Variants in ATP10A observed in about 807,000 individuals in gnomAD.
ATP10A encodes the protein ATPase phospholipid transporting 10A (putative).
ATP10A carries 111 observed loss-of-function variants against 147.8 expected under a neutral mutation model. The observed-to-expected ratio is 0.75, with a 90% CI of 0.64 to 0.88. The LOEUF is 0.88. Ranked by LOEUF, ATP10A falls within the 40% of genes least tolerant of loss-of-function variation. The probability of loss-of-function intolerance (pLI) is 0.00; values close to 1 mark genes in which losing one functional copy is unlikely to be tolerated. For synonymous variants in ATP10A, 875 were observed against 841.6 expected, an observed-to-expected ratio of 1.04 and a Z score of -0.69; for missense variants, 1,927 against 1,959.0, an observed-to-expected ratio of 0.98 and a Z score of 0.31.
rs919464212 is a variant in ATP10A at position 25,797,210 on chromosome 15, A to T, written c.450-15987T>A. On this transcript the variant is annotated intron_variant, in intron 1 of 20. Transcript: ENST00000555815. ...TTAGGTTCCACGCGTACGGGAGATCATGCAGTGTTTGTCTCTGTGTGGCTG... is the reference window on the plus strand; with the variant it reads ...TTAGGTTCCACGCGTACGGGAGATCTTGCAGTGTTTGTCTCTGTGTGGCTG... 3.3e-5 allele frequency among the ~76,000 whole-genome samples: 5 copies of T among 152,304 alleles called. 1 individual carries two copies. Among genetic ancestry groups the T allele is most frequent in the South Asian group, 2.1e-4 (1 of 4,826 alleles).
intron 10 of ATP10A, chr15:25,709,862 G>A (rs895632009): frequency 6.6e-6 from 1 of 152,364 alleles, no homozygotes; most frequent in African/African-American, 2.4e-5. Flanking sequence ...CCGAGGCTGG[G>A]CTTTGGAGGG....
chr15:25,816,439 C>T (rs187475897), intron 1 of ATP10A, among the ~76,000 whole-genome samples: 86 of 152,146 alleles, frequency 5.7e-4, no homozygotes, highest in African/African-American at 1.9e-3. Flanking sequence ...TCCTTTCTGA[C>T]GGTCCCTAAA....
intron 13 of ATP10A, among the ~76,000 whole-genome samples, chr15:25,699,234 G>A (rs1900528188): frequency 6.6e-6 from 1 of 152,100 alleles, no homozygotes; most frequent in African/African-American, 2.4e-5. Context: ...ATCAATACAC[G>A]TCGTATTGGT....
intron 1 of ATP10A, among the ~76,000 whole-genome samples, chr15:25,811,752 G>A (rs1317215578): frequency 6.6e-6 from 1 of 152,182 alleles, no homozygotes; most frequent in Non-Finnish European, 1.5e-5. Context: ...GTTTATCAGT[G>A]GCAAGGAGAC....
intron 15 of ATP10A, among the ~76,000 whole-genome samples, chr15:25,688,944 T>C (rs1380544696): frequency 2.0e-5 from 3 of 152,216 alleles, no homozygotes; most frequent in Admixed American, 1.3e-4. Context: ...ACTCCACTAT[T>C]GCCAGCCACA....
intron 6 of ATP10A, among the ~76,000 whole-genome samples, chr15:25,723,518 T>C (rs542065540): frequency 2.0e-5 from 3 of 152,126 alleles, no homozygotes; most frequent in African/African-American, 7.2e-5. Flanking sequence ...TATTTTGGAG[T>C]AATTTTAAGA....
In ATP10A at chr15:25,718,412, G is replaced by A; in HGVS notation, c.1364-13C>T. On this transcript the variant is annotated splice_polypyrimidine_tract_variant and intron_variant, in intron 7 of 20. Transcript: ENST00000555815. ...GCCAGACGCTGCGCTGCGGGGAGAG[G>A]GCGCAGGGTGAGGCATCATGGGGGA... 6.3e-7 allele frequency: 1 copy of A among 1,576,272 alleles called. No homozygotes were observed. Among genetic ancestry groups the A allele is most frequent in the Non-Finnish European group, 8.6e-7 (1 of 1,165,354 alleles).
At chr15:25,854,205 A>G (rs1244004834) in intron 1 of ATP10A, among the ~76,000 whole-genome samples, 1 of 152,198 alleles carries the variant, frequency 6.6e-6, no homozygotes, top group East Asian at 1.9e-4. Context: ...GAAAGAAGAA[A>G]GCCTGGGGCC....
intron 1 of ATP10A, among the ~76,000 whole-genome samples, chr15:25,806,343 T>G (rs1251975936): frequency 8.1e-6 from 1 of 122,752 alleles, no homozygotes; most frequent in African/African-American, 2.8e-5. Flanking sequence ...GATGGAGTCT[T>G]GCTCTGTCGC....
intron 1 of ATP10A, among the ~76,000 whole-genome samples, chr15:25,846,212 A>C (rs959491336): frequency 3.9e-5 from 6 of 152,300 alleles, no homozygotes; most frequent in Admixed American, 3.9e-4. Flanking sequence ...GAGGATAAAA[A>C]GTGTTGGAGA....
At chr15:25,744,004 T>C (rs1887703716) in intron 2 of ATP10A, among the ~76,000 whole-genome samples, 1 of 152,126 alleles carries the variant, frequency 6.6e-6, no homozygotes, top group Non-Finnish European at 1.5e-5. Flanking sequence ...TGGGCATCTT[T>C]CGGGGGACCA....
Position 25,787,569 on chromosome 15 carries a change from G to A in ATP10A, c.450-6346C>T, listed in dbSNP as rs547830621. On this transcript the variant is annotated intron_variant, in intron 1 of 20. Coordinates refer to ENST00000555815, the MANE Select transcript of ATP10A (RefSeq NM_024490.4). Reference sequence around the variant, plus strand: ...TGAGGTGGCAGTAAGCCCTGATTGCGCCACTGCAGTCCAGCCTGGATGACA... The same window carrying A: ...TGAGGTGGCAGTAAGCCCTGATTGCACCACTGCAGTCCAGCCTGGATGACA... Among the ~76,000 whole-genome samples, 13 of 148,830 alleles carry A rather than the reference G, an allele frequency of 8.7e-5. No individual in the cohort carries two copies. In the South Asian group the frequency reaches 2.6e-3, roughly 29 times the overall value.
intron 12 of ATP10A, among the ~76,000 whole-genome samples, chr15:25,707,111 A>G (rs1364847366): frequency 6.6e-6 from 1 of 152,220 alleles, no homozygotes; most frequent in Non-Finnish European, 1.5e-5. Flanking sequence ...AACAATATAT[A>G]AAATGTGTGC....
rs141094026 is a variant in ATP10A at position 25,720,133 on chromosome 15, G to A, written c.1363+1524C>T. On this transcript the variant is annotated intron_variant, in intron 7 of 20. Coordinates refer to ENST00000555815, the MANE Select transcript of ATP10A (RefSeq NM_024490.4). ...CTTAGTTGGGATCCTGCCCCTGGGAGCCTAAGCTTCCAACTTTATTATTAT... is the reference window on the plus strand; with the variant it reads ...CTTAGTTGGGATCCTGCCCCTGGGAACCTAAGCTTCCAACTTTATTATTAT... 7.1e-3 allele frequency among the ~76,000 whole-genome samples: 1,087 copies of A among 152,256 alleles called. 8 individuals carry two copies. The highest frequency in any genetic ancestry group is 0.02 in the Middle Eastern group (6 of 294).
chr15:25,801,615 A>G (rs1358708865), intron 1 of ATP10A, among the ~76,000 whole-genome samples: 1 of 152,222 alleles, frequency 6.6e-6, no homozygotes, highest in Admixed American at 6.5e-5. Flanking sequence ...TTTGCTAAGC[A>G]TGTTACAGTG....
intron 2 of ATP10A, among the ~76,000 whole-genome samples, chr15:25,777,782 CT>C (rs11424373): frequency 1.7e-4 from 24 of 140,252 alleles, no homozygotes; most frequent in East Asian, 2.1e-4. Context: ...TTCTTTCTTT[CT>C]TTTTTTTTTT....
At chr15:25,712,668 C>A (rs1901515352) in intron 10 of ATP10A, among the ~76,000 whole-genome samples, 1 of 152,170 alleles carries the variant, frequency 6.6e-6, no homozygotes, top group African/African-American at 2.4e-5. Context: ...GAATTGGATT[C>A]TTTGCTGACT....
intron 1 of ATP10A, among the ~76,000 whole-genome samples, chr15:25,819,691 G>A (rs1891801341): frequency 6.6e-6 from 1 of 152,032 alleles, no homozygotes; most frequent in Admixed American, 6.5e-5. Context: ...GTCCATCAAA[G>A]GATAACTGGA....
At chr15:25,742,324 G>C (rs191471167) in intron 2 of ATP10A, among the ~76,000 whole-genome samples, 84 of 152,364 alleles carry the variant, frequency 5.5e-4, no homozygotes, top group Admixed American at 5.3e-3. Flanking sequence ...TGATCAAGGG[G>C]TGTCTGGGTT....
Sources: allele counts gnomAD v4.1 joint callset (sites outside exome capture counted in the v4.1 genomes callset), GRCh38; gene constraint gnomAD v4.1.1; transcripts MANE v1.5; gene names NCBI Gene and HGNC (gene_info 2026-07-23, HGNC 2026-07-21).